The following MAGI2 variants were observed in gnomAD, a reference collection of about 807,000 sequenced individuals.
MAGI2 encodes membrane associated guanylate kinase, WW and PDZ domain containing 2, also known as membrane-associated guanylate kinase, WW and PDZ domain-containing protein 2.
Under a neutral mutation model 133.3 loss-of-function variants are expected in MAGI2, and 35 were observed. The observed-to-expected ratio is 0.26, with a 90% confidence interval of 0.20 to 0.35. The LOEUF (loss-of-function observed/expected upper bound fraction) is 0.35, where lower values mean the gene tolerates loss of function less well. Ranked by LOEUF, MAGI2 falls within the 10% of genes least tolerant of loss-of-function variation. The pLI is 1.00. For synonymous variants in MAGI2, 729 were observed against 710.6 expected, an observed-to-expected ratio of 1.03 and a Z score of -0.41; for missense variants, 1,636 against 1,863.4, an observed-to-expected ratio of 0.88 and a Z score of 2.25.
chr7:79,173,388 C>A (rs758193584), intron 1 of MAGI2, among the ~76,000 whole-genome samples: 2 of 151,972 alleles, frequency 1.3e-5, no homozygotes, highest in Non-Finnish European at 2.9e-5. Context: ...TGCAATGGCA[C>A]GATCATAACT....
chr7:78,675,017 CTG>C (rs1814852044), intron 2 of MAGI2, among the ~76,000 whole-genome samples: 1 of 152,126 alleles, frequency 6.6e-6, no homozygotes, highest in Non-Finnish European at 1.5e-5. Context: ...AACTGAAACA[CTG>C]TTTATTTTCA....
intron 1 of MAGI2, among the ~76,000 whole-genome samples, chr7:79,342,115 C>T (rs1037000513): frequency 2.6e-5 from 4 of 152,216 alleles, no homozygotes; most frequent in Non-Finnish European, 5.9e-5. Flanking sequence ...AGGTTCCTCC[C>T]TCTCTTGGTC....
intron 5 of MAGI2, among the ~76,000 whole-genome samples, chr7:78,491,613 C>G (rs1793611239): frequency 6.6e-6 from 1 of 151,916 alleles, no homozygotes; most frequent in Non-Finnish European, 1.5e-5. Flanking sequence ...CAATTTGACC[C>G]TTGTAAAGTC....
intron 6 of MAGI2, among the ~76,000 whole-genome samples, chr7:78,464,466 C>A (rs1450292056): frequency 2.0e-5 from 3 of 152,120 alleles, no homozygotes; most frequent in African/African-American, 7.2e-5. Context: ...TCCCCCTATA[C>A]CTGTAGCCCT....
At chr7:78,591,924 T>C (rs1387376588) in intron 3 of MAGI2, among the ~76,000 whole-genome samples, 1 of 152,212 alleles carries the variant, frequency 6.6e-6, no homozygotes, top group African/African-American at 2.4e-5. Flanking sequence ...GAGAAGACTC[T>C]TGAAAACTTT....
At chr7:78,037,945 GC>G (rs1271170645) in intron 21 of MAGI2, among the ~76,000 whole-genome samples, 3 of 152,184 alleles carry the variant, frequency 2.0e-5, no homozygotes, top group African/African-American at 7.2e-5. Flanking sequence ...AAAACTCAGC[GC>G]TTTGTCTCTT....
intron 2 of MAGI2, among the ~76,000 whole-genome samples, chr7:78,719,224 T>C (rs1585184902): frequency 1.3e-5 from 2 of 152,314 alleles, no homozygotes; most frequent in Non-Finnish European, 1.5e-5. Flanking sequence ...ATCTGACACA[T>C]GCTGTTCCAA....
At position 78,760,362 on chromosome 7, in the gene MAGI2, T is replaced by TC. The variant is rs374087507; in HGVS notation, c.419-133124_419-133123insG. 8.3e-3 allele frequency among the ~76,000 whole-genome samples: 209 copies of TC among 25,330 alleles called. 1 individual carries two copies. The highest frequency in any genetic ancestry group is 0.028 in the African/African-American group (165 of 5,932). 16.6% of individuals were successfully genotyped at this position (25,330 alleles called of 152,430 possible). ...CCTACAACTGGACTTTAATTCTCTCTTTTTTTTTTTTTTTTTTGAGATGAA... is the reference window on the plus strand; with the variant it reads ...CCTACAACTGGACTTTAATTCTCTCTCTTTTTTTTTTTTTTTTTGAGATGAA... On this transcript the variant is annotated intron_variant, in intron 2 of 21. Coordinates refer to ENST00000354212, the MANE Select transcript of MAGI2 (RefSeq NM_012301.4).
chr7:78,851,961 A>G (rs1793171314), intron 2 of MAGI2, among the ~76,000 whole-genome samples: 1 of 152,178 alleles, frequency 6.6e-6, no homozygotes, highest in Non-Finnish European at 1.5e-5. Context: ...CCTAAAAATA[A>G]GAAAATCTTA....
At chr7:78,418,544 G>A (rs1234720276) in intron 6 of MAGI2, among the ~76,000 whole-genome samples, 1 of 152,118 alleles carries the variant, frequency 6.6e-6, no homozygotes, top group Admixed American at 6.5e-5. Context: ...TGTGGCTATT[G>A]AGCATGTGAA....
chr7:78,596,617 G>T (rs1247023466), intron 3 of MAGI2, among the ~76,000 whole-genome samples: 3 of 152,138 alleles, frequency 2.0e-5, no homozygotes, highest in Non-Finnish European at 4.4e-5. Context: ...TGGTAGGAAG[G>T]TTCTTGGTGG....
intron 10 of MAGI2, among the ~76,000 whole-genome samples, chr7:78,232,848 A>G (rs1362591417): frequency 6.6e-6 from 1 of 152,226 alleles, no homozygotes; most frequent in Non-Finnish European, 1.5e-5. Context: ...TTGCAATGAC[A>G]AAGAGATATA....
intron 21 of MAGI2, among the ~76,000 whole-genome samples, chr7:78,033,503 A>G (rs936217185): frequency 2.0e-5 from 3 of 151,422 alleles, no homozygotes; most frequent in Non-Finnish European, 4.4e-5. Context: ...GAAAAAAGAA[A>G]CTACTAATTT....
intron 9 of MAGI2, among the ~76,000 whole-genome samples, chr7:78,329,490 C>T (rs539546891): frequency 1.3e-5 from 2 of 152,272 alleles, no homozygotes; most frequent in South Asian, 4.1e-4. Flanking sequence ...CATATATATA[C>T]AATTGAACTT....
At chr7:78,665,330 T>C (rs1813435032) in intron 2 of MAGI2, among the ~76,000 whole-genome samples, 1 of 152,134 alleles carries the variant, frequency 6.6e-6, no homozygotes, top group Non-Finnish European at 1.5e-5. Flanking sequence ...AACATATACA[T>C]ATAGGATAGT....
intron 1 of MAGI2, among the ~76,000 whole-genome samples, chr7:79,019,833 C>T (rs1441244852): frequency 1.3e-5 from 2 of 152,182 alleles, no homozygotes; most frequent in Non-Finnish European, 2.9e-5. Flanking sequence ...GCATGAGCCA[C>T]TGAGCCTGAC....
At chr7:79,334,054 A>G (rs1474957923) in intron 1 of MAGI2, among the ~76,000 whole-genome samples, 1 of 152,160 alleles carries the variant, frequency 6.6e-6, no homozygotes, top group Admixed American at 6.5e-5. Flanking sequence ...TCACCCAGCA[A>G]CCCATCCGTG....
At chr7:78,806,644 T>C (rs1229733580) in intron 2 of MAGI2, among the ~76,000 whole-genome samples, 2 of 151,942 alleles carry the variant, frequency 1.3e-5, no homozygotes, top group African/African-American at 4.8e-5. Flanking sequence ...GTGGAGAGAA[T>C]TGCGTGAGCC....
chr7:79,053,081 T>C (rs1213841301), intron 1 of MAGI2, among the ~76,000 whole-genome samples: 1 of 152,052 alleles, frequency 6.6e-6, no homozygotes, highest in African/African-American at 2.4e-5. Context: ...CACGCCATTC[T>C]CCTGCCTCAG....
Sources: allele counts gnomAD v4.1 joint callset (sites outside exome capture counted in the v4.1 genomes callset), GRCh38; gene constraint gnomAD v4.1.1; transcripts MANE v1.5; gene names NCBI Gene and HGNC (gene_info 2026-07-23, HGNC 2026-07-21).